The following ROBO1 variants were observed in gnomAD, a reference collection of about 807,000 sequenced individuals.
The protein encoded by ROBO1 is roundabout guidance receptor 1.
In ROBO1, 149 loss-of-function variants were observed where a neutral mutation model predicts 195.9. The ratio of observed to expected loss-of-function variants is 0.76; its 90% CI spans 0.67 to 0.87. The LOEUF (loss-of-function observed/expected upper bound fraction) is 0.87, where lower values mean the gene tolerates loss of function less well. ROBO1 is among the 40% of genes least tolerant of loss of function. The pLI, the probability that ROBO1 is intolerant of heterozygous loss-of-function variation, is 0.00. For missense variants in ROBO1, 1,933 were observed against 2,068.3 expected, an observed-to-expected ratio of 0.93 and a Z score of 1.27; for synonymous variants, 816 against 733.2, an observed-to-expected ratio of 1.11 and a Z score of -1.82.
rs1039647823 is a variant in ROBO1 at position 79,498,464 on chromosome 3, T to C, written c.88+91360A>G. Among the ~76,000 whole-genome samples, 4 of 152,188 alleles carry C rather than the reference T, an allele frequency of 2.6e-5. No homozygotes were observed. In the East Asian group the frequency reaches 5.8e-4, roughly 22 times the overall value. On this transcript the variant is annotated intron_variant, in intron 2 of 30. Coordinates refer to ENST00000464233, the MANE Select transcript of ROBO1 (RefSeq NM_002941.4). ...TTACAATACCTAATTTAAGCATATA[T>C]AGGTTTAAGATGAGAATCTTATTTC...
chr3:79,272,275 A>G (rs1482828006), intron 2 of ROBO1, among the ~76,000 whole-genome samples: 3 of 152,050 alleles, frequency 2.0e-5, no homozygotes, highest in Non-Finnish European at 4.4e-5. Flanking sequence ...AGTAATGAGT[A>G]TAGTTCTATT....
chr3:78,839,168 A>C (rs755349779), intron 4 of ROBO1, among the ~76,000 whole-genome samples: 1 of 152,184 alleles, frequency 6.6e-6, no homozygotes, highest in Non-Finnish European at 1.5e-5. Context: ...ATTGCATTGC[A>C]TCACAGTTGT....
chr3:79,729,579 T>C (rs1284949748), intron 1 of ROBO1, among the ~76,000 whole-genome samples: 3 of 152,226 alleles, frequency 2.0e-5, no homozygotes, highest in Non-Finnish European at 4.4e-5. Context: ...GAGGGTACTT[T>C]GTGGTTATAT....
chr3:79,761,649 T>C (rs1704708206), intron 1 of ROBO1, among the ~76,000 whole-genome samples: 1 of 152,194 alleles, frequency 6.6e-6, no homozygotes, highest in South Asian at 2.1e-4. Flanking sequence ...GAAATTCTGC[T>C]CTTGGCAAAT....
chr3:78,964,290 G>A (rs2041560338), intron 3 of ROBO1, among the ~76,000 whole-genome samples: 2 of 152,048 alleles, frequency 1.3e-5, no homozygotes, highest in Admixed American at 6.6e-5. Flanking sequence ...AGATACCAGC[G>A]GTTAGGCCTT....
intron 4 of ROBO1, among the ~76,000 whole-genome samples, chr3:78,936,829 T>G (rs2107675047): frequency 6.6e-6 from 1 of 152,140 alleles, no homozygotes; most frequent in South Asian, 2.1e-4. Context: ...AAACTTATTT[T>G]GCATGGGCTA....
At chr3:78,782,017 C>CT (rs1044058557) in intron 4 of ROBO1, among the ~76,000 whole-genome samples, 6 of 152,036 alleles carry the variant, frequency 3.9e-5, no homozygotes, top group Non-Finnish European at 8.8e-5. Flanking sequence ...TCATACTGGT[C>CT]TTTTTTCATC....
intron 5 of ROBO1, among the ~76,000 whole-genome samples, chr3:78,721,145 A>T (rs2082036396): frequency 6.6e-6 from 1 of 152,200 alleles, no homozygotes; most frequent in Non-Finnish European, 1.5e-5. Context: ...GTACAAATGA[A>T]AATAAATGCA....
intron 3 of ROBO1, among the ~76,000 whole-genome samples, chr3:79,042,177 A>G (rs1450904984): frequency 1.3e-5 from 2 of 152,194 alleles, no homozygotes; most frequent in East Asian, 3.8e-4. Flanking sequence ...ATGTAAACAC[A>G]CACAATTTAT....
chr3:78,677,055 A>T (rs1421879281), intron 10 of ROBO1, among the ~76,000 whole-genome samples: 3 of 152,088 alleles, frequency 2.0e-5, no homozygotes, highest in Non-Finnish European at 4.4e-5. Context: ...TCAACCCACA[A>T]TTTCATATCC....
intron 2 of ROBO1, among the ~76,000 whole-genome samples, chr3:79,381,837 A>C (rs2036585689): frequency 2.6e-5 from 4 of 152,148 alleles, no homozygotes; most frequent in Admixed American, 1.3e-4. Flanking sequence ...TCAAGAGCAC[A>C]TATCCCAGAT....
intron 3 of ROBO1, among the ~76,000 whole-genome samples, chr3:79,014,080 A>G (rs2077858521): frequency 6.6e-6 from 1 of 152,194 alleles, no homozygotes; most frequent in African/African-American, 2.4e-5. Flanking sequence ...ACATGCTTCA[A>G]ATTGCTTTTT....
chr3:78,780,198 A>C (rs1007959031), intron 4 of ROBO1, among the ~76,000 whole-genome samples: 1 of 152,156 alleles, frequency 6.6e-6, no homozygotes, highest in Non-Finnish European at 1.5e-5. Flanking sequence ...TAGCACGTGT[A>C]TACCTGTATA....
chr3:78,935,061 TAAC>T (rs1385034970), intron 4 of ROBO1, among the ~76,000 whole-genome samples: 4 of 152,018 alleles, frequency 2.6e-5, no homozygotes, highest in African/African-American at 9.7e-5. Context: ...TTACTAATAA[TAAC>T]AATGAAAGAA....
chr3:78,803,982 T>C (rs909407873), intron 4 of ROBO1, among the ~76,000 whole-genome samples: 9 of 152,174 alleles, frequency 5.9e-5, no homozygotes, highest in African/African-American at 2.2e-4. Context: ...ATAAAAATCA[T>C]ATGCACCTAG....
At chr3:79,397,065 C>G (rs531300184) in intron 2 of ROBO1, among the ~76,000 whole-genome samples, 1 of 151,836 alleles carries the variant, frequency 6.6e-6, no homozygotes, top group African/African-American at 2.4e-5. Flanking sequence ...GATACTAAAA[C>G]GTGAAAAATA....
At chr3:78,931,408 G>A (rs1184063518) in intron 4 of ROBO1, among the ~76,000 whole-genome samples, 14 of 151,516 alleles carry the variant, frequency 9.2e-5, no homozygotes, top group Admixed American at 2.0e-4. Flanking sequence ...CACCATGCCC[G>A]TCTAATTTTG....
At chr3:79,509,074 T>C (rs1357618931) in intron 2 of ROBO1, among the ~76,000 whole-genome samples, 1 of 152,142 alleles carries the variant, frequency 6.6e-6, no homozygotes, top group African/African-American at 2.4e-5. Context: ...TTTTATAATG[T>C]AGGAGCACAT....
At chr3:79,296,236 G>A (rs1340503715) in intron 2 of ROBO1, among the ~76,000 whole-genome samples, 1 of 151,982 alleles carries the variant, frequency 6.6e-6, no homozygotes, top group African/African-American at 2.4e-5. Context: ...ACACAGATAC[G>A]TTTATTACCT....
Sources: gnomAD v4.1 joint callset for allele counts (sites outside exome capture counted in the v4.1 genomes callset) on GRCh38, gnomAD v4.1.1 for gene constraint, MANE v1.5 for transcripts, NCBI Gene and HGNC (gene_info 2026-07-23, HGNC 2026-07-21) for gene names.